RHBDD1: variants seen among roughly 807,000 people sequenced by gnomAD.
RHBDD1 encodes the protein rhomboid-related protein 4.
RHBDD1 carries 38 observed loss-of-function variants against 36.3 expected under a neutral mutation model. The ratio of observed to expected loss-of-function variants is 1.05; its 90% CI spans 0.81 to 1.37. The LOEUF (loss-of-function observed/expected upper bound fraction) is 1.37. RHBDD1 is among the 40% of genes most tolerant of loss of function. The pLI is 0.00. For missense variants in RHBDD1, 393 were observed against 377.6 expected (o/e 1.04, Z -0.34); for synonymous variants, 151 against 136.5 (o/e 1.11, Z -0.74).
At chr2:226,812,076 T>A in the RHBDD1 span, among the ~76,000 whole-genome samples, 1 of 152,234 alleles carries the variant, frequency 6.6e-6, no homozygotes, top group Admixed American at 6.5e-5. Flanking sequence ...TTAAATTTCC[T>A]CAAGCTAGTT....
At chr2:226,832,534 TG>T (rs1264270579), upstream of RHBDD1, among the ~76,000 whole-genome samples, 2 of 152,318 alleles carry the variant, frequency 1.3e-5, no homozygotes, top group East Asian at 3.9e-4. Flanking sequence ...TCTGCCTGGT[TG>T]TTCTACACAT....
the RHBDD1 span, among the ~76,000 whole-genome samples, chr2:226,810,654 C>G: frequency 6.7e-6 from 1 of 150,310 alleles, no homozygotes; most frequent in African/African-American, 2.5e-5. Flanking sequence ...TCATCCTCAT[C>G]ATTTCCAGAT....
chr2:226,824,996 T>C, the RHBDD1 span, among the ~76,000 whole-genome samples: 1 of 152,242 alleles, frequency 6.6e-6, no homozygotes, highest in South Asian at 2.1e-4. Context: ...GCTACTGTTA[T>C]TATCACAGAC....
At chr2:226,801,770 T>A in the RHBDD1 span, among the ~76,000 whole-genome samples, 2 of 152,072 alleles carry the variant, frequency 1.3e-5, no homozygotes, top group African/African-American at 2.4e-5. Context: ...AGGTGCAGAA[T>A]AAAGAAGCCT....
At chr2:226,941,736 T>C (rs1950680256) in intron 8 of RHBDD1, among the ~76,000 whole-genome samples, 1 of 152,140 alleles carries the variant, frequency 6.6e-6, no homozygotes, top group Admixed American at 6.6e-5. Context: ...TAATCTATAA[T>C]TTCACCAAAC....
At chr2:226,946,328 C>T (rs1339832524) in intron 8 of RHBDD1, among the ~76,000 whole-genome samples, 1 of 151,510 alleles carries the variant, frequency 6.6e-6, no homozygotes, top group African/African-American at 2.4e-5. Context: ...TTTTTTTTGT[C>T]AAGTTTGTCA....
At chr2:226,803,308 ATGTGTG>A in the RHBDD1 span, among the ~76,000 whole-genome samples, 429 of 149,362 alleles carry the variant, frequency 2.9e-3, 4 homozygotes, top group African/African-American at 9.7e-3. Flanking sequence ...GATGACTAAA[ATGTGTG>A]TGTGTGTGTG....
At chr2:226,926,431 C>T (rs916586669) in intron 8 of RHBDD1, among the ~76,000 whole-genome samples, 7 of 152,156 alleles carry the variant, frequency 4.6e-5, no homozygotes, top group Admixed American at 1.3e-4. Context: ...AAAAACCATA[C>T]CGTGCCCTTT....
chr2:226,878,624 A>T (rs1354487820), intron 5 of RHBDD1, among the ~76,000 whole-genome samples: 1 of 152,182 alleles, frequency 6.6e-6, no homozygotes, highest in Non-Finnish European at 1.5e-5. Flanking sequence ...CAGACATGTG[A>T]GTGTGTGGCC....
chr2:226,951,784 A>T (rs890762083), intron 8 of RHBDD1, among the ~76,000 whole-genome samples: 1 of 152,254 alleles, frequency 6.6e-6, no homozygotes, highest in Non-Finnish European at 1.5e-5. Flanking sequence ...AAATATATTC[A>T]TAGTTGCAAT....
At chr2:226,879,423 G>A (rs775411681) in intron 5 of RHBDD1, among the ~76,000 whole-genome samples, 2 of 152,168 alleles carry the variant, frequency 1.3e-5, no homozygotes, top group South Asian at 2.1e-4. Context: ...GTTTGTTCAC[G>A]AGGCTTACTA....
intron 8 of RHBDD1, among the ~76,000 whole-genome samples, chr2:226,972,519 C>T (rs1953736301): frequency 2.0e-5 from 3 of 152,160 alleles, no homozygotes; most frequent in East Asian, 1.9e-4. Flanking sequence ...CATCTGGACT[C>T]CCAGGGTCAC....
chr2:226,980,806 TA>T (rs576914994), intron 8 of RHBDD1, among the ~76,000 whole-genome samples: 190 of 152,352 alleles, frequency 1.2e-3, no homozygotes, highest in South Asian at 0.01. Context: ...GATTGATGTT[TA>T]AAAAATTTAG....
chr2:226,888,610 G>GTT (rs79704556), intron 5 of RHBDD1, among the ~76,000 whole-genome samples: 1 of 147,016 alleles, frequency 6.8e-6, no homozygotes, highest in African/African-American at 2.5e-5. Flanking sequence ...TTTGTGTCTT[G>GTT]TTTTTTTTTT....
intron 8 of RHBDD1, among the ~76,000 whole-genome samples, chr2:226,961,303 T>C (rs1318384797): frequency 6.6e-6 from 1 of 152,154 alleles, no homozygotes; most frequent in African/African-American, 2.4e-5. Context: ...AGATAGGAGA[T>C]GGAGGGCACT....
rs1474604040 is a variant in RHBDD1, at chr2:226,906,593, G to A, written c.567-200G>A. 4.2e-6 allele frequency: 5 copies of A among 1,189,612 alleles called. No homozygotes were observed. In the African/African-American group the frequency reaches 4.7e-5, roughly 11 times the overall value. 73.7% of individuals were successfully genotyped at this position (1,189,612 alleles called of 1,614,324 possible). A position where few individuals can be genotyped will look rare whatever the true frequency, so the allele number is the denominator to read the frequency against. On this transcript the variant is annotated intron_variant, in intron 5 of 8. Coordinates refer to ENST00000392062, the MANE Select transcript of RHBDD1 (RefSeq NM_001167608.3). ...GGTGTTGCGTTTTAAACATGTGGTGGTTGTTATTCATTGTACTTTTTTTTA... is the reference window on the plus strand; with the variant it reads ...GGTGTTGCGTTTTAAACATGTGGTGATTGTTATTCATTGTACTTTTTTTTA...
At chr2:226,969,005 T>G (rs940314712) in intron 8 of RHBDD1, 4 of 202,728 alleles carry the variant, frequency 2.0e-5, no homozygotes, top group Non-Finnish European at 2.1e-5. Flanking sequence ...GTCCAAGGTA[T>G]GGACCAGTCA....
rs186850828 is a variant in RHBDD1 at position 226,958,720 on chromosome 2, G to A, written c.857-36711G>A. Among the ~76,000 whole-genome samples, 224 of 150,962 alleles carry A rather than the reference G, an allele frequency of 1.5e-3. 1 individual carries two copies. Among genetic ancestry groups the A allele is most frequent in the Middle Eastern group, 0.01 (3 of 294 alleles). On this transcript the variant is annotated intron_variant, in intron 8 of 8. Coordinates refer to ENST00000392062, the MANE Select transcript of RHBDD1 (RefSeq NM_001167608.3). ...GATTTTTCTGTGTGTGTGTGTGTGT[G>A]TGTGTGTGTGTGTGTGTGTGTGTGT...
chr2:226,880,969 A>G (rs1296849416), intron 5 of RHBDD1, among the ~76,000 whole-genome samples: 1 of 152,224 alleles, frequency 6.6e-6, no homozygotes, highest in Non-Finnish European at 1.5e-5. Flanking sequence ...ATACTGCTAT[A>G]AAGAACTGCT....
Sources: allele counts gnomAD v4.1 joint callset (sites outside exome capture counted in the v4.1 genomes callset), GRCh38; gene constraint gnomAD v4.1.1; transcripts MANE v1.5; gene names NCBI Gene and HGNC (gene_info 2026-07-23, HGNC 2026-07-21).